FAT2: variants seen among roughly 807,000 people sequenced by gnomAD.
FAT2 encodes FAT atypical cadherin 2, also known as protocadherin Fat 2.
FAT2 carries 150 observed loss-of-function variants against 295.3 expected under a neutral mutation model. The observed-to-expected ratio is 0.51, with a 90% CI of 0.44 to 0.58. The LOEUF is 0.58. Ranked by LOEUF, FAT2 falls within the 20% of genes least tolerant of loss-of-function variation. The pLI, the probability that FAT2 is intolerant of heterozygous loss-of-function variation, is 0.00. For synonymous variants in FAT2, 2,026 were observed against 2,150.3 expected (o/e 0.94, Z 1.60); for missense variants, 4,868 against 5,442.7 (o/e 0.89, Z 3.32).
intron 1 of FAT2, among the ~76,000 whole-genome samples, chr5:151,571,869 T>A (rs1758541832): frequency 6.6e-6 from 1 of 152,210 alleles, no homozygotes. Flanking sequence ...AGCACTTAGA[T>A]TAAAATAGAA....
At chr5:151,550,293 T>C (rs560366591) in intron 8 of FAT2, among the ~76,000 whole-genome samples, 374 of 152,284 alleles carry the variant, frequency 2.5e-3, no homozygotes, top group Non-Finnish European at 4.4e-3. Context: ...TGACATTACA[T>C]GAATCCACAT....
intron 7 of FAT2, 133 bp from the exon 8 acceptor site, chr5:151,551,004 T>TTGAA (rs1475929649): frequency 1.3e-6 from 1 of 780,570 alleles, no homozygotes; most frequent in African/African-American, 1.8e-5. Flanking sequence ...TAAATATTTG[T>TTGAA]TGAATGAATG....
intron 18 of FAT2, among the ~76,000 whole-genome samples, chr5:151,524,448 A>G (rs1420411871): frequency 9.9e-5 from 15 of 152,210 alleles, no homozygotes; most frequent in Admixed American, 9.8e-4. Context: ...ATGTGATACA[A>G]TGAGAAGCCG....
rs1237628838 is a variant in FAT2, at chr5:151,545,881, A to G, written c.5246T>C (p.Ile1749Thr). Reference protein sequence around the residue: ...FTDVMVVVDIIDENDNAPMFL... With the variant: ...FTDVMVVVDITDENDNAPMFL... ...CATAGGAGCATTGTCATTTTCATCA[A>G]TTATGTCAACCACCACCATGACATC... The change falls in exon 10 of 24, where the codon ATT becomes ACT. Residue 1749 changes from isoleucine (I) to threonine (T), a missense_variant. By Grantham distance (89) the Ile-to-Thr change is moderately conservative. Coordinates refer to ENST00000261800, the MANE Select transcript of FAT2 (RefSeq NM_001447.3). 1.9e-6 allele frequency: 3 copies of G among 1,614,096 alleles called. No homozygotes were observed. Among genetic ancestry groups the G allele is most frequent in the East Asian group, 2.2e-5 (1 of 44,900 alleles).
chr5:151,590,425 C>T (rs1759353748), intron 1 of FAT2, among the ~76,000 whole-genome samples: 1 of 152,224 alleles, frequency 6.6e-6, no homozygotes, highest in African/African-American at 2.4e-5. Context: ...AGTGGCTCTG[C>T]TCAGCGTTCC....
chr5:151,522,870 C>T (rs180881566), intron 18 of FAT2, among the ~76,000 whole-genome samples: 76 of 152,236 alleles, frequency 5.0e-4, no homozygotes, highest in Admixed American at 7.9e-4. Context: ...TGGGCTGGCA[C>T]GCGCAGGGTT....
intron 5 of FAT2, 32 bp from the exon 6 acceptor site, chr5:151,553,419 T>G (rs1485007114): frequency 1.9e-6 from 3 of 1,604,128 alleles, no homozygotes; most frequent in Non-Finnish European, 2.6e-6. Flanking sequence ...AACTGAGGTT[T>G]GGGGCCAAGA....
chr5:151,556,550 G>A (rs1362304673), intron 3 of FAT2, 148 bp from the exon 4 acceptor site: 1 of 615,700 alleles, frequency 1.6e-6, no homozygotes, highest in Non-Finnish European at 2.9e-6. Flanking sequence ...ACTTAGGATA[G>A]TTCAACTTAA....
intron 14 of FAT2, among the ~76,000 whole-genome samples, chr5:151,530,317 T>C (rs1754453205): frequency 6.6e-6 from 1 of 150,916 alleles, no homozygotes; most frequent in East Asian, 1.9e-4. Flanking sequence ...CATAGCATCA[T>C]CTGTGAGGCA....
At chr5:151,524,191 C>T (rs1216600491) in intron 18 of FAT2, among the ~76,000 whole-genome samples, 3 of 152,264 alleles carry the variant, frequency 2.0e-5, no homozygotes, top group South Asian at 2.1e-4. Context: ...TCTCATTGTA[C>T]TTAGATTAGA....
In FAT2 at chr5:151,542,686, G is replaced by T. The variant is rs1221291559; in HGVS notation, c.8441C>A (p.Thr2814Asn). 1.2e-6 allele frequency: 2 copies of T among 1,614,082 alleles called. No homozygotes were observed. The highest frequency in any genetic ancestry group is 4.5e-5 in the East Asian group (2 of 44,898). Reference protein sequence around the residue: ...AVLTENMPVGTSVIQVTAIDK... With the variant: ...AVLTENMPVGNSVIQVTAIDK... ...AATGGCAGTCACTTGAATGACTGAG[G>T]TCCCCACTGGCATATTCTCAGTGAG... Residue 2814 changes from threonine to asparagine, a missense_variant, in exon 10 of 24, where the codon ACC (threonine) becomes AAC (asparagine). Around this residue, in one of 5 missense-constraint regions of FAT2, gnomAD observed 3,297 missense variants for 3,669.4 expected, o/e 0.90. Coordinates refer to ENST00000261800, the MANE Select transcript of FAT2 (RefSeq NM_001447.3).
intron 18 of FAT2, among the ~76,000 whole-genome samples, chr5:151,524,767 C>A (rs1057471152): frequency 1.3e-5 from 2 of 152,154 alleles, no homozygotes; most frequent in African/African-American, 4.8e-5. Flanking sequence ...ATACCTCAAG[C>A]CACTTCAGGC....
At chr5:151,584,610 T>C (rs1057175251) in intron 1 of FAT2, among the ~76,000 whole-genome samples, 8 of 152,220 alleles carry the variant, frequency 5.3e-5, no homozygotes, top group African/African-American at 1.4e-4. Context: ...TAACGTTGAT[T>C]ATAGCACCTA....
At chr5:151,551,367 G>T in intron 7 of FAT2, 100 bp downstream of exon 7, 1 of 1,243,620 alleles carries the variant, frequency 8.0e-7, no homozygotes, top group African/African-American at 1.5e-5. Context: ...AGTGTTCCTT[G>T]AGGAACACCA....
At chr5:151,583,649 G>A (rs559070430) in intron 1 of FAT2, among the ~76,000 whole-genome samples, 283 of 152,162 alleles carry the variant, frequency 1.9e-3, no homozygotes, top group Non-Finnish European at 3.1e-3. Flanking sequence ...TCATTGAGCT[G>A]TACACTTATG....
intron 6 of FAT2, 33 bp downstream of exon 6, chr5:151,553,144 T>C: frequency 6.3e-7 from 1 of 1,597,736 alleles, no homozygotes; most frequent in Non-Finnish European, 8.6e-7. Context: ...ATGGGAGGGG[T>C]TGGCCCTTGT....
chr5:151,556,610 A>G (rs1277238134), intron 3 of FAT2, among the ~76,000 whole-genome samples: 3 of 152,246 alleles, frequency 2.0e-5, no homozygotes, highest in Non-Finnish European at 1.5e-5. Flanking sequence ...AGTACAAACC[A>G]TACTTCAAGT....
chr5:151,557,739 T>G (rs1370476170), intron 3 of FAT2, among the ~76,000 whole-genome samples: 9 of 152,254 alleles, frequency 5.9e-5, no homozygotes, highest in Admixed American at 5.2e-4. Flanking sequence ...TTTCTATCTT[T>G]ACATCTGAAA....
In FAT2 at chr5:151,566,136, C is replaced by T. The variant is rs770672735; in HGVS notation, c.2796G>A (p.Leu932=). The T allele has an allele frequency of 2.5e-6, 4 of 1,614,028 alleles. No individual in the cohort carries two copies. The Admixed American group carries it at 5.0e-5, about 20-fold the overall frequency. Residue 932 remains leucine, a synonymous_variant, in exon 2 of 24, where the codon CTG becomes CTA. Transcript: ENST00000261800. ...CGGGGGGCAGGTCCTCTGGAACCTTCAGCCTGTTGTGTTCTGTGATGCACT... is the reference window on the plus strand; with the variant it reads ...CGGGGGGCAGGTCCTCTGGAACCTTTAGCCTGTTGTGTTCTGTGATGCACT... ...SPQCITEHNR[L]KVPEDLPPGT...
Sources: allele counts gnomAD v4.1 joint callset (sites outside exome capture counted in the v4.1 genomes callset), GRCh38; gene constraint gnomAD v4.1.1; regional missense constraint gnomAD v4.1.1; transcripts MANE v1.5; gene names NCBI Gene and HGNC (gene_info 2026-07-23, HGNC 2026-07-21).